The following TMTC2 variants were observed in gnomAD, a reference collection of about 807,000 sequenced individuals.
The protein encoded by TMTC2 is transmembrane O-mannosyltransferase targeting cadherins 2, also known as protein O-mannosyl-transferase TMTC2.
A neutral mutation model predicts 82.4 loss-of-function variants in TMTC2; 43 were observed. That is an observed-to-expected ratio of 0.52 (90% CI 0.41 to 0.67). The LOEUF (loss-of-function observed/expected upper bound fraction) is 0.67. Among genes scored for constraint, TMTC2 ranks in the 30% least tolerant of loss-of-function variants. The pLI, the probability that TMTC2 is intolerant of heterozygous loss-of-function variation, is 0.00. For synonymous variants in TMTC2, 408 were observed against 381.9 expected (o/e 1.07, Z -0.80); for missense variants, 919 against 1,012.4 (o/e 0.91, Z 1.25).
chr12:83,114,683 A>G (rs1319632251), intron 11 of TMTC2, among the ~76,000 whole-genome samples: 1 of 152,186 alleles, frequency 6.6e-6, no homozygotes, highest in African/African-American at 2.4e-5. Flanking sequence ...ATTGGCAAAC[A>G]TAGACATTAA....
chr12:83,129,156 A>G (rs1885186181), intron 11 of TMTC2, among the ~76,000 whole-genome samples: 1 of 152,196 alleles, frequency 6.6e-6, no homozygotes, highest in Non-Finnish European at 1.5e-5. Flanking sequence ...TTTACACCAA[A>G]ATGTTATAAC....
chr12:83,017,658 T>A (rs1880733420), intron 8 of TMTC2, among the ~76,000 whole-genome samples: 1 of 152,138 alleles, frequency 6.6e-6, no homozygotes, highest in South Asian at 2.1e-4. Flanking sequence ...TACCGCATGG[T>A]AGACTGGAAA....
rs142093819 is a variant in TMTC2 at position 82,962,501 on chromosome 12, A to C, written c.1599-2523A>C. On this transcript the variant is annotated intron_variant, in intron 4 of 11. Coordinates refer to ENST00000321196, the MANE Select transcript of TMTC2 (RefSeq NM_152588.3). Reference sequence around the variant, plus strand: ...AACATGGAATTGTGAAGATAAGTGAAGACCTAAGAGTGATAATCAGGTTTC... The same window carrying C: ...AACATGGAATTGTGAAGATAAGTGACGACCTAAGAGTGATAATCAGGTTTC... Among the ~76,000 whole-genome samples the C allele has an allele frequency of 5.4e-3, 819 of 152,228 alleles. 6 individuals carry two copies. The highest frequency in any genetic ancestry group is 0.031 in the Admixed American group (471 of 15,264).
chr12:82,935,319 T>A (rs1265870916), intron 4 of TMTC2, among the ~76,000 whole-genome samples: 1 of 152,178 alleles, frequency 6.6e-6, no homozygotes, highest in African/African-American at 2.4e-5. Context: ...TAACAATAGA[T>A]ATCATGCATT....
intron 7 of TMTC2, among the ~76,000 whole-genome samples, chr12:82,978,145 A>G (rs1878763099): frequency 6.6e-6 from 1 of 151,790 alleles, no homozygotes; most frequent in South Asian, 2.1e-4. Flanking sequence ...AGTTATAACT[A>G]TTAAATGGAA....
chr12:83,044,242 T>C (rs1353130628), intron 9 of TMTC2, among the ~76,000 whole-genome samples: 1 of 152,218 alleles, frequency 6.6e-6, no homozygotes. Context: ...AGTCCTTTCA[T>C]TGAACATACA....
chr12:83,018,844 G>A (rs879672482), intron 8 of TMTC2, among the ~76,000 whole-genome samples: 1 of 152,150 alleles, frequency 6.6e-6, no homozygotes, highest in Admixed American at 6.5e-5. Context: ...TTGAGTGTTT[G>A]CTTTTGCAAG....
intron 1 of TMTC2, among the ~76,000 whole-genome samples, chr12:82,743,515 C>T (rs1048319115): frequency 6.6e-6 from 1 of 151,560 alleles, no homozygotes; most frequent in African/African-American, 2.4e-5. Context: ...CTGCCAAGTA[C>T]TCAATAAATA....
intron 1 of TMTC2, among the ~76,000 whole-genome samples, chr12:82,772,535 T>A (rs1489939994): frequency 5.3e-5 from 8 of 152,206 alleles, no homozygotes; most frequent in Non-Finnish European, 1.2e-4. Flanking sequence ...TTGGAAACTG[T>A]AAAACATTTC....
At chr12:82,691,040 C>G (rs988827628) in intron 1 of TMTC2, among the ~76,000 whole-genome samples, 1 of 152,140 alleles carries the variant, frequency 6.6e-6, no homozygotes, top group Non-Finnish European at 1.5e-5. Context: ...CATAACTGTT[C>G]TAAACTTTAG....
intron 3 of TMTC2, among the ~76,000 whole-genome samples, chr12:82,917,703 G>A (rs1359443071): frequency 2.6e-5 from 4 of 151,948 alleles, no homozygotes; most frequent in East Asian, 1.9e-4. Context: ...CAGGGTTCAT[G>A]CCATTCTCCT....
chr12:82,735,549 G>T (rs1261655719), intron 1 of TMTC2, among the ~76,000 whole-genome samples: 7 of 151,918 alleles, frequency 4.6e-5, no homozygotes, highest in South Asian at 4.1e-4. Context: ...GTTTCACTGT[G>T]TTAGCCAGGA....
chr12:82,785,461 T>A (rs1317814200), intron 1 of TMTC2, among the ~76,000 whole-genome samples: 1 of 151,796 alleles, frequency 6.6e-6, no homozygotes, highest in Non-Finnish European at 1.5e-5. Flanking sequence ...CTTTTTCTTT[T>A]CTGTGTATCA....
intron 8 of TMTC2, among the ~76,000 whole-genome samples, chr12:82,988,646 C>T (rs936393022): frequency 6.6e-6 from 1 of 151,826 alleles, no homozygotes; most frequent in African/African-American, 2.4e-5. Flanking sequence ...TAATACCCCT[C>T]CCCTATCCCA....
At chr12:82,730,527 A>C (rs558950701) in intron 1 of TMTC2, among the ~76,000 whole-genome samples, 1 of 152,304 alleles carries the variant, frequency 6.6e-6, no homozygotes, top group East Asian at 1.9e-4. Flanking sequence ...CATTGACTCT[A>C]GTTAGATTTG....
Position 83,056,725 on chromosome 12 carries a change from C to G in TMTC2, c.2268-5043C>G, listed in dbSNP as rs145421471. On this transcript the variant is annotated intron_variant, in intron 10 of 11. Coordinates refer to ENST00000321196, the MANE Select transcript of TMTC2 (RefSeq NM_152588.3). ...ACCACGCGAAAGTCACTGGATTTTT[C>G]AATTATAAGTTATATTTTACTTCCA... 3.3e-5 allele frequency among the ~76,000 whole-genome samples: 5 copies of G among 151,948 alleles called. No individual in the cohort carries two copies. The East Asian group carries it at 9.7e-4, about 29-fold the overall frequency.
At chr12:82,954,688 T>C (rs1433048007) in intron 4 of TMTC2, among the ~76,000 whole-genome samples, 1 of 152,202 alleles carries the variant, frequency 6.6e-6, no homozygotes, top group African/African-American at 2.4e-5. Flanking sequence ...TTTATTCATA[T>C]CCACACTTGA....
chr12:82,729,776 A>G (rs1002934021), intron 1 of TMTC2, among the ~76,000 whole-genome samples: 9 of 152,198 alleles, frequency 5.9e-5, no homozygotes, highest in Non-Finnish European at 1.0e-4. Context: ...GTGCTGTGGT[A>G]GCTTTGTTCT....
chr12:82,792,206 C>G (rs1384675356), intron 1 of TMTC2, among the ~76,000 whole-genome samples: 1 of 152,004 alleles, frequency 6.6e-6, no homozygotes, highest in Non-Finnish European at 1.5e-5. Context: ...ATTATCAAGA[C>G]CGAAAACAAA....
Sources: allele counts gnomAD v4.1 joint callset (sites outside exome capture counted in the v4.1 genomes callset), GRCh38; gene constraint gnomAD v4.1.1; transcripts MANE v1.5; gene names NCBI Gene and HGNC (gene_info 2026-07-23, HGNC 2026-07-21).